Variants in PRKG1 observed in about 807,000 individuals in gnomAD.
PRKG1 encodes the protein cGMP-dependent protein kinase 1.
Under a neutral mutation model 88.1 loss-of-function variants are expected in PRKG1, and 35 were observed. The observed-to-expected ratio is 0.40, with a 90% confidence interval of 0.30 to 0.53. The LOEUF is 0.53. Among genes scored for constraint, PRKG1 ranks in the 20% least tolerant of loss-of-function variants. The pLI, the probability that PRKG1 is intolerant of heterozygous loss-of-function variation, is 0.59. For synonymous variants in PRKG1, 303 were observed against 292.5 expected (o/e 1.04, Z -0.37); for missense variants, 540 against 839.8 (o/e 0.64, Z 4.41).
chr10:51,689,555 A>T (rs1019999824), intron 3 of PRKG1, among the ~76,000 whole-genome samples: 2 of 152,214 alleles, frequency 1.3e-5, no homozygotes, highest in African/African-American at 4.8e-5. Context: ...ATATGGATTA[A>T]TCCCATACAA....
In PRKG1 at chr10:51,567,103, T is replaced by A. The variant is rs987858747; in HGVS notation, c.592+99267T>A. 1.4e-4 allele frequency among the ~76,000 whole-genome samples: 21 copies of A among 152,210 alleles called. 1 individual carries two copies. The South Asian group carries it at 1.9e-3, about 14-fold the overall frequency. Reference sequence around the variant, plus strand: ...TGATACCACAATAAAGCTGGAAAAATTAGAAAATACTATACATAACTTGAG... The same window carrying A: ...TGATACCACAATAAAGCTGGAAAAAATAGAAAATACTATACATAACTTGAG... On this transcript the variant is annotated intron_variant, in intron 3 of 17. Coordinates refer to ENST00000373980, the MANE Select transcript of PRKG1 (RefSeq NM_006258.4).
intron 9 of PRKG1, among the ~76,000 whole-genome samples, chr10:52,165,479 A>G (rs1048469877): frequency 3.9e-5 from 6 of 152,188 alleles, no homozygotes; most frequent in Non-Finnish European, 8.8e-5. Flanking sequence ...TTTGTTTAAA[A>G]TCTGGGATAT....
chr10:51,348,094 A>T (rs184128126), intron 2 of PRKG1, among the ~76,000 whole-genome samples: 28 of 152,236 alleles, frequency 1.8e-4, no homozygotes, highest in African/African-American at 5.5e-4. Flanking sequence ...AAATGGCAAC[A>T]AAGTTTGGGG....
intron 2 of PRKG1, among the ~76,000 whole-genome samples, chr10:51,438,199 C>CA (rs557801971): frequency 0.33 from 48,540 of 148,416 alleles, 8,838 homozygotes; most frequent in African/African-American, 0.5. Flanking sequence ...TTAGACTTAC[C>CA]AAAAAAAAAA....
chr10:51,122,502 A>G (rs1845283542), intron 1 of PRKG1, among the ~76,000 whole-genome samples: 2 of 152,230 alleles, frequency 1.3e-5, no homozygotes, highest in Non-Finnish European at 2.9e-5. Flanking sequence ...TTGTGGGTAT[A>G]TACGTGTGAT....
intron 7 of PRKG1, among the ~76,000 whole-genome samples, chr10:52,079,876 G>A (rs1027097116): frequency 1.1e-4 from 16 of 152,250 alleles, no homozygotes; most frequent in African/African-American, 3.9e-4. Flanking sequence ...TGGTATGGGG[G>A]CCTCCATTTA....
intron 7 of PRKG1, among the ~76,000 whole-genome samples, chr10:52,099,988 T>C (rs1360117236): frequency 6.6e-6 from 1 of 152,256 alleles, no homozygotes; most frequent in Non-Finnish European, 1.5e-5. Context: ...ACAATGCTAG[T>C]ATTCTTAGAG....
chr10:51,719,149 C>CA (rs34785296), intron 3 of PRKG1, among the ~76,000 whole-genome samples: 15 of 94,146 alleles, frequency 1.6e-4, no homozygotes, highest in Non-Finnish European at 2.3e-4. Flanking sequence ...TATCCTGTCT[C>CA]AAAAAAAAGA....
chr10:51,854,079 T>C (rs1840621747), intron 4 of PRKG1, among the ~76,000 whole-genome samples: 1 of 152,096 alleles, frequency 6.6e-6, no homozygotes, highest in African/African-American at 2.4e-5. Context: ...ATATAGAAAT[T>C]TGGGGATTCA....
intron 4 of PRKG1, among the ~76,000 whole-genome samples, chr10:51,823,469 C>A (rs1350604544): frequency 2.0e-5 from 3 of 151,822 alleles, no homozygotes; most frequent in African/African-American, 7.3e-5. Context: ...GTAACATGAA[C>A]CACGGGGCTT....
At chr10:51,347,006 T>C (rs1177733547) in intron 2 of PRKG1, among the ~76,000 whole-genome samples, 1 of 152,166 alleles carries the variant, frequency 6.6e-6, no homozygotes, top group Admixed American at 6.5e-5. Context: ...GCCGAGGACC[T>C]GGGATGCTTC....
chr10:51,228,137 G>C (rs1838741588), intron 2 of PRKG1, among the ~76,000 whole-genome samples: 1 of 151,696 alleles, frequency 6.6e-6, no homozygotes, highest in African/African-American at 2.4e-5. Context: ...ACAGAAGCTA[G>C]CATTCTCATT....
At chr10:51,838,900 G>A (rs1445657240) in intron 4 of PRKG1, among the ~76,000 whole-genome samples, 2 of 152,108 alleles carry the variant, frequency 1.3e-5, no homozygotes, top group East Asian at 1.9e-4. Flanking sequence ...GCCAAAACTG[G>A]GACTTATTAC....
At chr10:52,037,795 C>G (rs571226740) in intron 5 of PRKG1, among the ~76,000 whole-genome samples, 36 of 152,208 alleles carry the variant, frequency 2.4e-4, no homozygotes, top group African/African-American at 8.4e-4. Flanking sequence ...GAATTGGGAC[C>G]TAGCTCGGCC....
chr10:52,067,940 C>A (rs906417428), intron 7 of PRKG1, among the ~76,000 whole-genome samples: 1 of 105,094 alleles, frequency 9.5e-6, no homozygotes, highest in South Asian at 4.0e-4. Context: ...CGCAGTGGCT[C>A]ACGCCTGTAA....
intron 1 of PRKG1, among the ~76,000 whole-genome samples, chr10:51,006,026 T>TG (rs1213760075): frequency 1.3e-5 from 2 of 152,198 alleles, no homozygotes; most frequent in African/African-American, 4.8e-5. Context: ...CTCTGAAGGC[T>TG]GGAGGGGGAG....
At chr10:51,251,643 A>AT (rs1380908783) in intron 2 of PRKG1, among the ~76,000 whole-genome samples, 3 of 151,768 alleles carry the variant, frequency 2.0e-5, no homozygotes, top group Non-Finnish European at 4.4e-5. Context: ...TCTAAAAGGT[A>AT]TTTTTTACCC....
At chr10:51,953,941 T>C (rs949926990) in intron 5 of PRKG1, among the ~76,000 whole-genome samples, 1 of 152,158 alleles carries the variant, frequency 6.6e-6, no homozygotes, top group Non-Finnish European at 1.5e-5. Flanking sequence ...GGATTTCCAC[T>C]GAGCAAAATG....
intron 2 of PRKG1, among the ~76,000 whole-genome samples, chr10:51,458,843 T>C (rs1452279487): frequency 6.6e-6 from 1 of 152,098 alleles, no homozygotes; most frequent in African/African-American, 2.4e-5. Context: ...CAACCAAACA[T>C]GGATCGAAAC....
Sources: allele counts gnomAD v4.1 joint callset (sites outside exome capture counted in the v4.1 genomes callset), GRCh38; gene constraint gnomAD v4.1.1; transcripts MANE v1.5; gene names NCBI Gene and HGNC (gene_info 2026-07-23, HGNC 2026-07-21).